The following C12orf42 variants were observed in gnomAD, a reference collection of about 807,000 sequenced individuals.
The protein encoded by C12orf42 is uncharacterized protein C12orf42.
In C12orf42, 25 loss-of-function variants were observed where a neutral mutation model predicts 21.6. The observed-to-expected ratio is 1.16, with a 90% CI of 0.84 to 1.62. C12orf42 has a LOEUF of 1.62. Among genes scored for constraint, C12orf42 ranks in the 40% most tolerant of loss-of-function variants. The pLI is 0.00. For synonymous variants in C12orf42, 174 were observed against 175.0 expected (o/e 0.99, Z 0.05); for missense variants, 483 against 459.3 (o/e 1.05, Z -0.47).
At chr12:103,185,841 A>G in the C12orf42 span, among the ~76,000 whole-genome samples, 104 of 152,336 alleles carry the variant, frequency 6.8e-4, no homozygotes, top group South Asian at 0.019. Flanking sequence ...TCCTCAAGCC[A>G]TGTGGAACTG....
intron 3 of C12orf42, among the ~76,000 whole-genome samples, chr12:103,378,956 G>A (rs932304749): frequency 6.6e-6 from 1 of 151,904 alleles, no homozygotes; most frequent in African/African-American, 2.4e-5. Context: ...AAAAGATAGG[G>A]TTTTAAAAAA....
chr12:103,352,169 TA>T (rs1349772612), intron 4 of C12orf42, among the ~76,000 whole-genome samples: 8 of 152,112 alleles, frequency 5.3e-5, no homozygotes, highest in African/African-American at 1.9e-4. Context: ...GTTCTTCACT[TA>T]CCCATTGCCC....
the C12orf42 span, among the ~76,000 whole-genome samples, chr12:103,184,066 A>C: frequency 2.6e-5 from 4 of 152,338 alleles, no homozygotes; most frequent in East Asian, 7.7e-4. Context: ...AATGTCTCAC[A>C]TTGGTGATTA....
At chr12:103,086,811 T>G in the C12orf42 span, among the ~76,000 whole-genome samples, 1 of 152,118 alleles carries the variant, frequency 6.6e-6, no homozygotes, top group Non-Finnish European at 1.5e-5. Context: ...CCTTTTATTT[T>G]GCTCCAAGAA....
intron 3 of C12orf42, among the ~76,000 whole-genome samples, chr12:103,379,589 C>T (rs776039274): frequency 6.6e-6 from 1 of 152,168 alleles, no homozygotes; most frequent in African/African-American, 2.4e-5. Context: ...TTCTCTGTAG[C>T]GATGGGGTTT....
In C12orf42 at chr12:103,495,770, C is replaced by T. The variant is rs557831529; in HGVS notation, c.-22+132G>A. 6.6e-5 allele frequency: 10 copies of T among 152,608 alleles called. No individual in the cohort carries two copies. The East Asian group carries it at 1.2e-3, about 18-fold the overall frequency. The allele number at this position is 152,608 out of a possible 1,614,324, so 9.5% of individuals were successfully genotyped here. On this transcript the variant is annotated intron_variant, in intron 1 of 5. Coordinates refer to ENST00000548883, the MANE Select transcript of C12orf42 (RefSeq NM_198521.5). The stretch of plus-strand genomic sequence containing the variant: ...CGCGACGGGTTCCGCCGCTTGCCTC[C>T]GCTCCTTGGCCTTTGCTGCCGTGCT...
intron 3 of C12orf42, among the ~76,000 whole-genome samples, chr12:103,376,868 CCCTCTGTG>C (rs2045744321): frequency 6.6e-6 from 1 of 151,802 alleles, no homozygotes; most frequent in Non-Finnish European, 1.5e-5. Flanking sequence ...TAATTTTCTC[CCCTCTGTG>C]TTCTCATTCT....
downstream of C12orf42, among the ~76,000 whole-genome samples, chr12:103,264,668 T>C (rs890940823): frequency 1.3e-5 from 2 of 152,154 alleles, no homozygotes; most frequent in African/African-American, 4.8e-5. Context: ...GCTTGAGTGG[T>C]TTACTGAAAG....
chr12:103,215,462 A>G, the C12orf42 span, among the ~76,000 whole-genome samples: 8 of 152,270 alleles, frequency 5.3e-5, no homozygotes, highest in Admixed American at 2.0e-4. Flanking sequence ...TCACTTCTGT[A>G]TCCCTCTCCA....
At chr12:103,092,123 A>G in the C12orf42 span, among the ~76,000 whole-genome samples, 1 of 152,188 alleles carries the variant, frequency 6.6e-6, no homozygotes, top group Non-Finnish European at 1.5e-5. Context: ...TTTCTTGGGG[A>G]TACCACAAAG....
chr12:103,174,299 T>C, the C12orf42 span, among the ~76,000 whole-genome samples: 5 of 152,304 alleles, frequency 3.3e-5, no homozygotes, highest in Middle Eastern at 6.8e-3. Context: ...TACATGTATA[T>C]CAGAAGTAGT....
At chr12:103,160,222 A>G in the C12orf42 span, among the ~76,000 whole-genome samples, 1 of 152,230 alleles carries the variant, frequency 6.6e-6, no homozygotes, top group Non-Finnish European at 1.5e-5. Context: ...CAGAGGTTCT[A>G]CAGCAAAGCA....
chr12:103,398,909 C>T (rs1338995146), intron 3 of C12orf42, among the ~76,000 whole-genome samples: 1 of 151,966 alleles, frequency 6.6e-6, no homozygotes, highest in Non-Finnish European at 1.5e-5. Context: ...ATATTTTGTT[C>T]TTCTTCATAA....
the C12orf42 span, among the ~76,000 whole-genome samples, chr12:103,110,820 A>C: frequency 6.6e-6 from 1 of 152,236 alleles, no homozygotes; most frequent in South Asian, 2.1e-4. Context: ...CAGATTTGGC[A>C]AGGGTTTTAT....
chr12:103,454,631 C>T (rs1952168046), intron 2 of C12orf42, among the ~76,000 whole-genome samples: 1 of 152,132 alleles, frequency 6.6e-6, no homozygotes, highest in East Asian at 1.9e-4. Context: ...AGTTACTTCA[C>T]AATTCTATCC....
intron 4 of C12orf42, among the ~76,000 whole-genome samples, chr12:103,296,757 A>T (rs2037316255): frequency 6.6e-6 from 1 of 152,208 alleles, no homozygotes; most frequent in Non-Finnish European, 1.5e-5. Flanking sequence ...TCTGGATATT[A>T]GCCCTTTGTC....
chr12:103,260,478 G>A (rs569495561), intron 10 of C12orf42, among the ~76,000 whole-genome samples: 1 of 152,208 alleles, frequency 6.6e-6, no homozygotes, highest in Non-Finnish European at 1.5e-5. Flanking sequence ...AACCTTCTAA[G>A]TCATGGGCAT....
At chr12:103,554,127 G>A in the C12orf42 span, among the ~76,000 whole-genome samples, 14 of 152,188 alleles carry the variant, frequency 9.2e-5, no homozygotes, top group Non-Finnish European at 2.9e-5. Context: ...TAAAGACTCA[G>A]TTCTGTGGAT....
the C12orf42 span, among the ~76,000 whole-genome samples, chr12:103,196,651 T>G: frequency 6.6e-6 from 1 of 152,314 alleles, no homozygotes; most frequent in Non-Finnish European, 1.5e-5. Context: ...TCTTGTTGAA[T>G]CTGTCTTTAT....
Sources: allele counts gnomAD v4.1 joint callset (sites outside exome capture counted in the v4.1 genomes callset), GRCh38; gene constraint gnomAD v4.1.1; transcripts MANE v1.5; gene names NCBI Gene and HGNC (gene_info 2026-07-23, HGNC 2026-07-21).